Variants in TTC23L observed in about 807,000 individuals in gnomAD.
TTC23L encodes tetratricopeptide repeat protein 23-like.
A neutral mutation model predicts 48.1 loss-of-function variants in TTC23L; 42 were observed. The observed-to-expected ratio is 0.87, with a 90% confidence interval of 0.68 to 1.13. TTC23L has a LOEUF of 1.13. Among genes scored for constraint, TTC23L ranks in the 50% most tolerant of loss-of-function variants. The pLI, the probability that TTC23L is intolerant of heterozygous loss-of-function variation, is 0.00. For synonymous variants in TTC23L, 159 were observed against 157.2 expected (o/e 1.01, Z -0.09); for missense variants, 391 against 421.0 (o/e 0.93, Z 0.62).
At chr5:34,859,103 G>A (rs1408775086) in intron 4 of TTC23L, among the ~76,000 whole-genome samples, 1 of 152,146 alleles carries the variant, frequency 6.6e-6, no homozygotes, top group Non-Finnish European at 1.5e-5. Context: ...ACATTCACAA[G>A]CCCAGAAGGA....
chr5:34,880,466 A>T (rs535860054), intron 9 of TTC23L, among the ~76,000 whole-genome samples, 158 bp downstream of exon 9: 2 of 151,178 alleles, frequency 1.3e-5, no homozygotes, highest in Non-Finnish European at 3.0e-5. Flanking sequence ...TAACCGAATT[A>T]TTTTTTTTTC....
the TTC23L span, chr5:34,906,809 TAAC>T: frequency 6.6e-6 from 1 of 152,146 alleles, no homozygotes; most frequent in South Asian, 2.1e-4. Flanking sequence ...TTCACACTAG[TAAC>T]AAAAGACAAA....
At chr5:34,858,797 A>G (rs1760334454) in intron 4 of TTC23L, among the ~76,000 whole-genome samples, 1 of 152,174 alleles carries the variant, frequency 6.6e-6, no homozygotes, top group African/African-American at 2.4e-5. Flanking sequence ...GGAAGGTGAA[A>G]GAAGTTTTTT....
At chr5:34,917,431 A>G in the TTC23L span, among the ~76,000 whole-genome samples, 1 of 151,926 alleles carries the variant, frequency 6.6e-6, no homozygotes, top group Non-Finnish European at 1.5e-5. Flanking sequence ...CAGGAGTTCA[A>G]GACCAGCCTG....
chr5:34,864,200 C>T (rs1760882512), intron 5 of TTC23L, among the ~76,000 whole-genome samples: 1 of 152,202 alleles, frequency 6.6e-6, no homozygotes, highest in South Asian at 2.1e-4. Flanking sequence ...CAAACACTGC[C>T]TACCTACTCT....
At chr5:34,872,611 C>T (rs1183745826) in intron 8 of TTC23L, among the ~76,000 whole-genome samples, 3 of 151,726 alleles carry the variant, frequency 2.0e-5, no homozygotes, top group Non-Finnish European at 4.4e-5. Flanking sequence ...AATTTGGAGT[C>T]TAATTTGATA....
chr5:34,870,081 A>G (rs1288078688), intron 8 of TTC23L, among the ~76,000 whole-genome samples: 1 of 151,632 alleles, frequency 6.6e-6, no homozygotes, highest in Non-Finnish European at 1.5e-5. Flanking sequence ...ACAAGCGTTT[A>G]TGTTTATAGA....
chr5:34,846,479 G>A (rs1759148415), intron 3 of TTC23L, among the ~76,000 whole-genome samples: 1 of 147,504 alleles, frequency 6.8e-6, no homozygotes, highest in African/African-American at 2.5e-5. Context: ...AGAATTGCTG[G>A]AACCCAGGAG....
chr5:34,881,864 A>T (rs1337993721), intron 9 of TTC23L, among the ~76,000 whole-genome samples: 1 of 151,528 alleles, frequency 6.6e-6, no homozygotes, highest in Non-Finnish European at 1.5e-5. Context: ...CCCAAGTTCA[A>T]GCGATTTTTG....
intron 6 of TTC23L, among the ~76,000 whole-genome samples, chr5:34,866,414 A>G (rs1364423617): frequency 6.6e-6 from 1 of 152,202 alleles, no homozygotes; most frequent in Admixed American, 6.5e-5. Flanking sequence ...ATGATATGCT[A>G]TAATTTATTT....
the TTC23L span, chr5:34,913,584 A>G: frequency 6.6e-7 from 1 of 1,519,122 alleles, no homozygotes; most frequent in Non-Finnish European, 9.0e-7. Flanking sequence ...CCAGCCTATG[A>G]AAAGAGTAAA....
intron 4 of TTC23L, among the ~76,000 whole-genome samples, chr5:34,858,875 T>C (rs1438845250): frequency 2.0e-5 from 3 of 152,200 alleles, no homozygotes; most frequent in African/African-American, 7.2e-5. Flanking sequence ...CTTAAGCCCC[T>C]TGTGGCTCAG....
At chr5:34,912,716 G>A in the TTC23L span, among the ~76,000 whole-genome samples, 1 of 151,864 alleles carries the variant, frequency 6.6e-6, no homozygotes, top group Non-Finnish European at 1.5e-5. Context: ...AAATCATTCG[G>A]CAACCGGTTG....
exon 9 of TTC23L, chr5:34,880,252 A>C: frequency 1.2e-6 from 2 of 1,613,646 alleles, no homozygotes; most frequent in East Asian, 4.5e-5. Flanking sequence ...GGATTTTGAA[A>C]CACTGAGCAC....
At chr5:34,850,030 A>C (rs904386801) in intron 3 of TTC23L, among the ~76,000 whole-genome samples, 155 bp from the exon 4 acceptor site, 3 of 152,126 alleles carry the variant, frequency 2.0e-5, no homozygotes, top group Non-Finnish European at 4.4e-5. Flanking sequence ...GGGAATGTGG[A>C]TCCAACCAGA....
intron 2 of TTC23L, among the ~76,000 whole-genome samples, chr5:34,843,705 C>G (rs1031404963): frequency 6.6e-6 from 1 of 152,286 alleles, no homozygotes; most frequent in East Asian, 1.9e-4. Flanking sequence ...AGGGCTAGCT[C>G]ATAGGCAGCA....
At chr5:34,896,183 C>T (rs1352838735) in intron 9 of TTC23L, among the ~76,000 whole-genome samples, 1 of 152,174 alleles carries the variant, frequency 6.6e-6, no homozygotes, top group Non-Finnish European at 1.5e-5. Context: ...GCTCAGTGTA[C>T]CTTATCTTTA....
At chr5:34,876,925 TG>T (rs1452523554) in intron 8 of TTC23L, among the ~76,000 whole-genome samples, 1 of 151,898 alleles carries the variant, frequency 6.6e-6, no homozygotes, top group Non-Finnish European at 1.5e-5. Flanking sequence ...CACCAAGGCA[TG>T]TGTATACCTA....
At chr5:34,862,055 T>C (rs1218831067) in intron 4 of TTC23L, among the ~76,000 whole-genome samples, 1 of 152,144 alleles carries the variant, frequency 6.6e-6, no homozygotes, top group Non-Finnish European at 1.5e-5. Flanking sequence ...TGCTTCTGGG[T>C]TAGGGTTTTG....
Sources: allele counts gnomAD v4.1 joint callset (sites outside exome capture counted in the v4.1 genomes callset), GRCh38; gene constraint gnomAD v4.1.1; transcripts MANE v1.5; gene names NCBI Gene and HGNC (gene_info 2026-07-23, HGNC 2026-07-21).